The following ADH7 variants were observed in gnomAD, a reference collection of about 807,000 sequenced individuals.
ADH7 encodes the protein all-trans-retinol dehydrogenase [NAD(+)] ADH7.
In ADH7, 41 loss-of-function variants were observed where a neutral mutation model predicts 34.4. The ratio of observed to expected loss-of-function variants is 1.19; its 90% CI spans 0.93 to 1.55. The LOEUF (loss-of-function observed/expected upper bound fraction) is 1.55. Ranked by LOEUF, ADH7 falls within the 40% of genes most tolerant of loss-of-function variation. The pLI is 0.00. For synonymous variants in ADH7, 180 were observed against 160.9 expected (o/e 1.12, Z -0.90); for missense variants, 540 against 461.2 (o/e 1.17, Z -1.56).
chr4:99,429,955 T>C (rs1447525363), intron 1 of ADH7, among the ~76,000 whole-genome samples: 1 of 152,190 alleles, frequency 6.6e-6, no homozygotes, highest in African/African-American at 2.4e-5. Flanking sequence ...CACCCAAAAA[T>C]AGGTTATTTT....
chr4:99,431,834 G>A (rs1429943902), intron 1 of ADH7, among the ~76,000 whole-genome samples: 1 of 152,126 alleles, frequency 6.6e-6, no homozygotes, highest in Non-Finnish European at 1.5e-5. Flanking sequence ...TGGTGAGGTT[G>A]GAGCGAAAAG....
At chr4:99,430,725 C>G (rs545898909) in intron 1 of ADH7, among the ~76,000 whole-genome samples, 51 of 152,102 alleles carry the variant, frequency 3.4e-4, no homozygotes, top group Non-Finnish European at 5.6e-4. Context: ...GTAATATGGC[C>G]CAATGTTGAC....
Position 99,427,866 on chromosome 4 carries a change from A to C in ADH7, c.471T>G (p.Val157=). The C allele has an allele frequency of 6.2e-7, 1 of 1,613,594 alleles. No individual in the cohort carries two copies. The highest frequency in any genetic ancestry group is 1.1e-5 in the South Asian group (1 of 90,984). The change falls in exon 5 of 9, where the codon GTT becomes GTG. Residue 157 remains valine (V), a synonymous_variant. Coordinates refer to ENST00000437033, the MANE Select transcript of ADH7 (RefSeq NM_000673.7). ...GAGGAGCTGCATCATCAATCTTAGC[A>C]ACAGAAGATTCATCCACCACTGTGT... The part of the protein sequence containing the change: ...TEYTVVDESS[V]AKIDDAAPPE...
chr4:99,433,444 T>C (rs1721982483), intron 1 of ADH7, among the ~76,000 whole-genome samples: 2 of 152,170 alleles, frequency 1.3e-5, no homozygotes, highest in African/African-American at 2.4e-5. Flanking sequence ...TGTGATATTA[T>C]GATTGATTTT....
chr4:99,413,294 C>T (rs1579569655), intron 8 of ADH7, 122 bp from the exon 9 acceptor site: 4 of 1,074,026 alleles, frequency 3.7e-6, no homozygotes, highest in East Asian at 2.5e-5. Context: ...ATTGGAAATC[C>T]TCTGGGCTCA....
chr4:99,418,249 G>T (rs1020120088), intron 7 of ADH7, among the ~76,000 whole-genome samples: 1 of 151,318 alleles, frequency 6.6e-6, no homozygotes. Flanking sequence ...TGTATCCTTC[G>T]CTACATTATG....
At chr4:99,418,951 C>T (rs998511794) in intron 7 of ADH7, 35 bp downstream of exon 7, 9 of 1,608,916 alleles carry the variant, frequency 5.6e-6, no homozygotes, top group Non-Finnish European at 7.6e-6. Flanking sequence ...GAGTGAAAGC[C>T]ATCACTCCCC....
chr4:99,422,467 C>A (rs1721688418), intron 5 of ADH7, among the ~76,000 whole-genome samples: 1 of 151,912 alleles, frequency 6.6e-6, no homozygotes. Context: ...AACACATGGA[C>A]ACAGAGAGGG....
intron 7 of ADH7, 59 bp from the exon 8 acceptor site, chr4:99,415,675 A>T (rs1016379645): frequency 1.3e-6 from 2 of 1,529,950 alleles, no homozygotes; most frequent in African/African-American, 2.8e-5. Flanking sequence ...ATCTTTTATT[A>T]TGTTATATTT....
intron 5 of ADH7, among the ~76,000 whole-genome samples, chr4:99,421,234 T>C (rs1560561716): frequency 6.6e-6 from 1 of 152,326 alleles, no homozygotes; most frequent in African/African-American, 2.4e-5. Flanking sequence ...GGCATCATGC[T>C]ACCAGCCTTC....
At chr4:99,413,690 A>T (rs1270553420) in intron 8 of ADH7, among the ~76,000 whole-genome samples, 1 of 152,224 alleles carries the variant, frequency 6.6e-6, no homozygotes, top group Non-Finnish European at 1.5e-5. Context: ...TTAGTGAAAG[A>T]CTAACTGGAA....
At position 99,435,324 on chromosome 4, in the gene ADH7, G is replaced by A; in HGVS notation, c.-91C>T. On this transcript the variant is annotated 5_prime_UTR_variant, in exon 1 of 9. Transcript: ENST00000437033. ...TCTGTTGTATATAACAGCAGCTTGTGCCTTCACATAGATAGTCTGGCTTCA... is the reference window on the plus strand; with the variant it reads ...TCTGTTGTATATAACAGCAGCTTGTACCTTCACATAGATAGTCTGGCTTCA... 1.3e-6 allele frequency: 2 copies of A among 1,554,598 alleles called. No homozygotes were observed. Among genetic ancestry groups the A allele is most frequent in the Non-Finnish European group, 8.8e-7 (1 of 1,132,274 alleles).
rs759583176 is a variant in ADH7 at position 99,418,993 on chromosome 4, G to A, written c.954C>T (p.Val318=). Residue 318 remains valine (V), a synonymous_variant, in exon 7 of 9, where the codon GTC becomes GTT. Coordinates refer to ENST00000437033, the MANE Select transcript of ADH7 (RefSeq NM_000673.7). ...AGGCTTTGCTTTCCTGACCTCCAAA[G>A]ACACATCCCTTCCATGTGCGTCCAG... is the stretch of plus-strand genomic sequence containing the variant. ...LFTGRTWKGC[V]FGGLKSRDDV... 1.2e-6 allele frequency: 2 copies of A among 1,613,702 alleles called. No homozygotes were observed. The highest frequency in any genetic ancestry group is 2.2e-5 in the East Asian group (1 of 44,872).
intron 5 of ADH7, among the ~76,000 whole-genome samples, 186 bp from the exon 6 acceptor site, chr4:99,420,979 C>A (rs1721645101): frequency 6.6e-6 from 1 of 152,144 alleles, no homozygotes; most frequent in South Asian, 2.1e-4. Flanking sequence ...GAATTACAAA[C>A]CACTGCTCAA....
rs190749300 is a variant in ADH7 at position 99,413,192 on chromosome 4, T to G, written c.1101-20A>C. 3.1e-6 allele frequency: 5 copies of G among 1,610,920 alleles called. No homozygotes were observed. In the Admixed American group the frequency reaches 5.0e-5, roughly 16 times the overall value. ...CGAATGCTGAAATGTAAAATGAGAG[T>G]TTTTAATGACTTGTTTTCATATCTT... On this transcript the variant is annotated intron_variant, in intron 8 of 8. Coordinates refer to ENST00000437033, the MANE Select transcript of ADH7 (RefSeq NM_000673.7).
chr4:99,426,180 G>A (rs572542779), intron 5 of ADH7, among the ~76,000 whole-genome samples: 6 of 152,204 alleles, frequency 3.9e-5, no homozygotes, highest in African/African-American at 1.2e-4. Flanking sequence ...ACATTCAAAA[G>A]CTAGCAGAAG....
Position 99,428,182 on chromosome 4 carries a change from A to C in ADH7, c.260-8T>G. On this transcript the variant is annotated splice_region_variant and splice_polypyrimidine_tract_variant and intron_variant, in intron 3 of 8. Coordinates refer to ENST00000437033, the MANE Select transcript of ADH7 (RefSeq NM_000673.7). ...GAGGGATGACTTTGTCACCTACAGG[A>C]AAAAAATCATGATATAAGATGCTGT... The C allele has an allele frequency of 6.2e-7, 1 of 1,609,372 alleles. No individual in the cohort carries two copies. Among genetic ancestry groups the C allele is most frequent in the Non-Finnish European group, 8.5e-7 (1 of 1,175,872 alleles).
Position 99,419,006 on chromosome 4 carries a change from C to T in ADH7, c.941G>A (p.Trp314Ter). 1.2e-6 allele frequency: 2 copies of T among 1,613,828 alleles called. No homozygotes were observed. The highest frequency in any genetic ancestry group is 1.7e-6 in the Non-Finnish European group (2 of 1,179,830). Reference sequence around the variant, plus strand: ...CTGACCTCCAAAGACACATCCCTTCCATGTGCGTCCAGTGAAGAGCAACAT... The same window carrying T: ...CTGACCTCCAAAGACACATCCCTTCTATGTGCGTCCAGTGAAGAGCAACAT... ...DPMLLFTGRT[W>*]KGCVFGGLKS... The change falls in exon 7 of 9, where the codon TGG (tryptophan) becomes TAG (stop). Residue 314 changes from tryptophan (W) to a stop codon, truncating the protein, a stop_gained. Coordinates refer to ENST00000437033, the MANE Select transcript of ADH7 (RefSeq NM_000673.7). LOFTEE classifies it high-confidence loss of function.
intron 5 of ADH7, among the ~76,000 whole-genome samples, chr4:99,427,265 A>G (rs1721831317): frequency 6.6e-6 from 1 of 152,166 alleles, no homozygotes; most frequent in Non-Finnish European, 1.5e-5. Context: ...TCTGATACGC[A>G]TTATAGGTGG....
Sources: allele counts gnomAD v4.1 joint callset (sites outside exome capture counted in the v4.1 genomes callset), GRCh38; gene constraint gnomAD v4.1.1; transcripts MANE v1.5; gene names NCBI Gene and HGNC (gene_info 2026-07-23, HGNC 2026-07-21).